PHC1: variants seen among roughly 807,000 people sequenced by gnomAD.
PHC1 encodes polyhomeotic-like protein 1.
PHC1 carries 12 observed loss-of-function variants against 104.3 expected under a neutral mutation model. The observed-to-expected ratio is 0.12, with a 90% CI of 0.07 to 0.19. PHC1 has a LOEUF of 0.19. Among genes scored for constraint, PHC1 ranks in the 10% least tolerant of loss-of-function variants. The pLI is 1.00. For synonymous variants in PHC1, 302 were observed against 455.8 expected (o/e 0.66, Z 4.30); for missense variants, 671 against 1,200.0 (o/e 0.56, Z 6.51).
rs1352824622 is a variant in PHC1, at chr12:8,914,573, C to G, written c.-303C>G. 6.6e-6 allele frequency: 1 copy of G among 151,216 alleles called. No individual in the cohort carries two copies. The highest frequency in any genetic ancestry group is 1.5e-5 in the Non-Finnish European group (1 of 67,692). 9.4% of individuals were successfully genotyped at this position (151,216 alleles called of 1,614,324 possible). A position where few individuals can be genotyped will look rare whatever the true frequency, so the allele number is the denominator to read the frequency against. On this transcript the variant is annotated 5_prime_UTR_variant, in exon 1 of 15. Transcript: ENST00000544916. ...TCGGCCGGGCAGGAAGTGACAGGCC[C>G]GGAGCGAGCCCCGGAGGCCTGGCTG...
rs1264507574 is a variant in PHC1, at chr12:8,937,900, G to A, written c.2700G>A (p.Gly900=). 11 of 1,609,752 alleles carry A rather than the reference G, an allele frequency of 6.8e-6. 1 individual carries two copies. The highest frequency in any genetic ancestry group is 7.7e-6 in the Non-Finnish European group (9 of 1,176,282). The change falls in exon 14 of 15, where the codon GGG becomes GGA. Residue 900 remains glycine (G), a synonymous_variant. Coordinates refer to ENST00000544916, the MANE Select transcript of PHC1 (RefSeq NM_004426.3). The part of the protein sequence containing the change: ...YDEALSPTSP[G]PLSVRAGHGE... ...AAGCACTCTCTCCAACATCTCCTGGGCCTTTATCAGTAAGAGCTGGGCATG... is the reference window on the plus strand; with the variant it reads ...AAGCACTCTCTCCAACATCTCCTGGACCTTTATCAGTAAGAGCTGGGCATG...
At chr12:8,934,188 G>A (rs1180731366) in intron 9 of PHC1, 79 bp from the exon 10 acceptor site, 4 of 1,324,122 alleles carry the variant, frequency 3.0e-6, no homozygotes, top group Non-Finnish European at 4.3e-6. Flanking sequence ...GATTATTATG[G>A]AAGATCATGC....
At chr12:8,915,033 T>C (rs748851030) in intron 1 of PHC1, 1 of 152,964 alleles carries the variant, frequency 6.5e-6, no homozygotes, top group East Asian at 1.9e-4. Context: ...CGCTTCATGC[T>C]GTCTGTCCGT....
chr12:8,930,523 C>A lies in PHC1; in HGVS notation c.701C>A (p.Ala234Asp). The A allele has an allele frequency of 6.4e-7, 1 of 1,556,670 alleles. No homozygotes were observed. The highest frequency in any genetic ancestry group is 1.2e-5 in the South Asian group (1 of 84,382). Residue 234 changes from alanine to aspartate, a missense_variant, in exon 7 of 15, where the codon GCC becomes GAC. Physicochemically the swap from Ala to Asp is moderately radical, Grantham distance 126. Around this residue, in one of 9 missense-constraint regions of PHC1, gnomAD observed 237 missense variants for 331.1 expected, o/e 0.72. Transcript: ENST00000544916. ...ACTCAGAAGGCCATTCCTCCAGGAG[C>A]CTCCCCTGTCTCTAGCCTCTCCCAG... ...GSTQKAIPPGASPVSSLSQAS... is the reference protein window; with the variant it reads ...GSTQKAIPPGDSPVSSLSQAS...
At chr12:8,927,884 TCTTTCTTTCTTTCTTTCTTTCTTTCTTTC>T (rs1565517444) in intron 6 of PHC1, among the ~76,000 whole-genome samples, 7 of 109,886 alleles carry the variant, frequency 6.4e-5, no homozygotes, top group African/African-American at 2.4e-4. Flanking sequence ...TTTCTTTCTT[TCTTTCTTTCTTTCTTTCTTTCTTTCTTTC>T]TTTTTTTTTT....
chr12:8,914,978 C>T (rs1411152446), intron 1 of PHC1, 151 bp downstream of exon 1: 2 of 153,774 alleles, frequency 1.3e-5, no homozygotes, highest in Non-Finnish European at 2.9e-5. Context: ...GCTCTGCGGT[C>T]CTTCGGCTCT....
Position 8,937,995 on chromosome 12 carries a change from T to C in PHC1, c.2795T>C (p.Phe932Ser), listed in dbSNP as rs1408242580. ...TPELHGINPVFLSSNPSRWSV... is the reference protein window; with the variant it reads ...TPELHGINPVSLSSNPSRWSV... ...GAATTACATGGCATCAACCCTGTGTTCCTGTCCAGTAATCCCAGCCGTTGG... is the reference window on the plus strand; with the variant it reads ...GAATTACATGGCATCAACCCTGTGTCCCTGTCCAGTAATCCCAGCCGTTGG... Residue 932 changes from phenylalanine (F) to serine (S), a missense_variant, in exon 14 of 15, where the codon TTC (phenylalanine) becomes TCC (serine). This residue lies in a region of PHC1 where 192 missense variants were observed against 280.5 expected (regional missense o/e 0.68). Transcript: ENST00000544916. 6.2e-7 allele frequency: 1 copy of C among 1,608,136 alleles called. No individual in the cohort carries two copies. The highest frequency in any genetic ancestry group is 1.3e-5 in the African/African-American group (1 of 74,818).
intron 6 of PHC1, among the ~76,000 whole-genome samples, chr12:8,927,735 A>AC: frequency 6.6e-6 from 1 of 152,292 alleles, no homozygotes; most frequent in Admixed American, 6.5e-5. Context: ...GCCAGATAAT[A>AC]TTATGTGCTC....
intron 6 of PHC1, among the ~76,000 whole-genome samples, chr12:8,927,807 C>A (rs1192524282): frequency 3.3e-5 from 5 of 152,054 alleles, no homozygotes; most frequent in Non-Finnish European, 7.4e-5. Flanking sequence ...CTTTACTGCT[C>A]CTGCCTGAAT....
In PHC1 at chr12:8,919,937, T is replaced by G. The variant is rs1159176477; in HGVS notation, c.225+71T>G. On this transcript the variant is annotated intron_variant, in intron 3 of 14. Coordinates refer to ENST00000544916, the MANE Select transcript of PHC1 (RefSeq NM_004426.3). The surrounding 1 kb of genome is among the most constrained non-coding windows in gnomAD (Gnocchi z 4.9). ...CTACAGGTGGGTAGGGGAGATTTTTTGGGCATATAGCATCCTATACTAAGC... is the reference window on the plus strand; with the variant it reads ...CTACAGGTGGGTAGGGGAGATTTTTGGGGCATATAGCATCCTATACTAAGC... 2 of 1,558,754 alleles carry G rather than the reference T, an allele frequency of 1.3e-6. No homozygotes were observed. The highest frequency in any genetic ancestry group is 8.7e-7 in the Non-Finnish European group (1 of 1,150,160).
chr12:8,933,238 C>T lies in PHC1; in HGVS notation c.1781C>T (p.Thr594Ile), dbSNP rs1945742501. The T allele has an allele frequency of 6.7e-7, 1 of 1,496,012 alleles. No homozygotes were observed. The highest frequency in any genetic ancestry group is 1.3e-5 in the South Asian group (1 of 77,964). 92.7% of individuals were successfully genotyped at this position (1,496,012 alleles called of 1,614,324 possible). A position where few individuals can be genotyped will look rare whatever the true frequency, so the allele number is the denominator to read the frequency against. Residue 594 changes from threonine to isoleucine, a missense_variant, in exon 8 of 15, where the codon ACC becomes ATC. Around this residue, in one of 9 missense-constraint regions of PHC1, gnomAD observed 26 missense variants for 130.8 expected, o/e 0.20. Transcript: ENST00000544916. Reference protein sequence around the residue: ...ECPPTLAPGMTLAPVQGTAHV... With the variant: ...ECPPTLAPGMILAPVQGTAHV... ...CCTCCCACATTGGCCCCTGGGATGACCCTTGCTCCTGTGCAGGGGACAGCA... is the reference window on the plus strand; with the variant it reads ...CCTCCCACATTGGCCCCTGGGATGATCCTTGCTCCTGTGCAGGGGACAGCA...
intron 3 of PHC1, 45 bp from the exon 4 acceptor site, chr12:8,920,940 C>A: frequency 7.5e-6 from 10 of 1,332,290 alleles, no homozygotes; most frequent in Non-Finnish European, 1.1e-5. Context: ...AGAGCTTTTT[C>A]CTTCACTGTC....
At chr12:8,925,036 C>T (rs766706024) in intron 6 of PHC1, among the ~76,000 whole-genome samples, 4 of 152,080 alleles carry the variant, frequency 2.6e-5, no homozygotes, top group East Asian at 1.9e-4. Flanking sequence ...TTGATTTATC[C>T]GCTCATTCAT....
Position 8,939,581 on chromosome 12 carries a change from G to C in PHC1, c.*122G>C. 1 of 606,032 alleles carries C rather than the reference G, an allele frequency of 1.7e-6. No individual in the cohort carries two copies. The highest frequency in any genetic ancestry group is 2.9e-6 in the Non-Finnish European group (1 of 347,770). The allele number at this position is 606,032 out of a possible 1,614,324, so 37.5% of individuals were successfully genotyped here. A position where few individuals can be genotyped will look rare whatever the true frequency, so the allele number is the denominator to read the frequency against. ...TCCAATCATGTAACCTTCTGTAGGGGATTACTGAGACAGGGAAGAGAAGTG... is the reference window on the plus strand; with the variant it reads ...TCCAATCATGTAACCTTCTGTAGGGCATTACTGAGACAGGGAAGAGAAGTG... On this transcript the variant is annotated 3_prime_UTR_variant, in exon 15 of 15. Coordinates refer to ENST00000544916, the MANE Select transcript of PHC1 (RefSeq NM_004426.3).
intron 5 of PHC1, among the ~76,000 whole-genome samples, chr12:8,922,348 A>G (rs1461090433): frequency 6.6e-6 from 1 of 152,190 alleles, no homozygotes; most frequent in Non-Finnish European, 1.5e-5. Context: ...CGCTCAGCCT[A>G]CCTACTTTCT....
At chr12:8,930,397 GTCC>G (rs1000077265) in intron 6 of PHC1, 35 bp from the exon 7 acceptor site, 8 of 1,586,248 alleles carry the variant, frequency 5.0e-6, no homozygotes, top group East Asian at 4.6e-5. Flanking sequence ...AATGCCTCCA[GTCC>G]TCCTTTTCTC....
At chr12:8,914,336 C>T (rs866455676), upstream of PHC1, among the ~76,000 whole-genome samples, 1 of 152,136 alleles carries the variant, frequency 6.6e-6, no homozygotes, top group South Asian at 2.1e-4. Flanking sequence ...GAGGAAAAAA[C>T]CCCTGGGCCT....
rs1028126417 is a variant in PHC1, at chr12:8,936,580, T to C, written c.2369-276T>C. On this transcript the variant is annotated intron_variant, in intron 11 of 14. Transcript: ENST00000544916. ...CTCTCTCCTCAGAAATTGAATCATA[T>C]CTGAAATCTAAGAGTATGAATTAGG... Among the ~76,000 whole-genome samples, 33 of 152,306 alleles carry C rather than the reference T, an allele frequency of 2.2e-4. 1 individual carries two copies. The highest frequency in any genetic ancestry group is 1.8e-3 in the Admixed American group (28 of 15,298).
rs770882774 is a variant in PHC1, at chr12:8,935,614, G to A, written c.2368+376G>A. On this transcript the variant is annotated intron_variant, in intron 11 of 14. Coordinates refer to ENST00000544916, the MANE Select transcript of PHC1 (RefSeq NM_004426.3). ...CGCACTCCAGCCTGGGCGACAGAGCGAGACTCTGTCTCAAAAAAAAGTAGG... is the reference window on the plus strand; with the variant it reads ...CGCACTCCAGCCTGGGCGACAGAGCAAGACTCTGTCTCAAAAAAAAGTAGG... Among the ~76,000 whole-genome samples the A allele has an allele frequency of 1.4e-4, 21 of 152,052 alleles. 3 individuals are homozygous for A. The highest frequency in any genetic ancestry group is 6.9e-3 in the Middle Eastern group (2 of 290).
Sources: gnomAD v4.1 joint callset for allele counts (sites outside exome capture counted in the v4.1 genomes callset) on GRCh38, gnomAD v4.1.1 for gene constraint, gnomAD v4.1.1 regional missense constraint, Gnocchi (gnomAD v3.1) non-coding constraint, MANE v1.5 for transcripts, NCBI Gene and HGNC (gene_info 2026-07-23, HGNC 2026-07-21) for gene names.